The following KCNIP4 variants were observed in gnomAD, a reference collection of about 807,000 sequenced individuals.
KCNIP4 encodes the protein potassium voltage-gated channel interacting protein 4, also known as Kv channel-interacting protein 4.
A neutral mutation model predicts 34.0 loss-of-function variants in KCNIP4; 12 were observed. That is an observed-to-expected ratio of 0.35 (90% confidence interval 0.23 to 0.57). KCNIP4 has a LOEUF of 0.57. KCNIP4 is among the 20% of genes least tolerant of loss of function. The pLI is 0.83. For synonymous variants in KCNIP4, 124 were observed against 102.2 expected (o/e 1.21, Z -1.29); for missense variants, 238 against 311.7 (o/e 0.76, Z 1.78).
intron 1 of KCNIP4, among the ~76,000 whole-genome samples, chr4:21,372,699 C>T (rs1384419590): frequency 6.8e-6 from 1 of 146,552 alleles, no homozygotes; most frequent in Non-Finnish European, 1.5e-5. Flanking sequence ...TGAAAGGTAT[C>T]TAGCAAATTC....
intron 1 of KCNIP4, among the ~76,000 whole-genome samples, chr4:21,785,610 T>TAAATTAAATAAATAAATA (rs1719854035): frequency 6.8e-6 from 1 of 147,570 alleles, no homozygotes; most frequent in African/African-American, 2.6e-5. Context: ...AATAAATAAA[T>TAAATTAAATAAATAAATA]AAATAAAATA....
At chr4:20,961,534 GT>G (rs1195135339) in intron 1 of KCNIP4, among the ~76,000 whole-genome samples, 1 of 151,922 alleles carries the variant, frequency 6.6e-6, no homozygotes, top group African/African-American at 2.4e-5. Context: ...CATACACAGA[GT>G]TTTAAAAAAA....
At chr4:21,604,970 T>C (rs189597684) in intron 1 of KCNIP4, among the ~76,000 whole-genome samples, 6 of 152,334 alleles carry the variant, frequency 3.9e-5, no homozygotes, top group African/African-American at 1.4e-4. Context: ...ACAGTTAGTC[T>C]AGTGAAAGTG....
At chr4:20,822,152 T>C (rs1368016098) in intron 3 of KCNIP4, among the ~76,000 whole-genome samples, 1 of 152,104 alleles carries the variant, frequency 6.6e-6, no homozygotes, top group Non-Finnish European at 1.5e-5. Flanking sequence ...GAGAAAATAT[T>C]TGGAAACTAT....
intron 1 of KCNIP4, among the ~76,000 whole-genome samples, chr4:20,924,519 T>A (rs1729712946): frequency 6.6e-6 from 1 of 152,234 alleles, no homozygotes; most frequent in African/African-American, 2.4e-5. Flanking sequence ...CTTTTCTTTC[T>A]TTTTAACCTA....
intron 1 of KCNIP4, among the ~76,000 whole-genome samples, chr4:21,283,140 A>G (rs1049431496): frequency 1.3e-5 from 2 of 152,214 alleles, no homozygotes; most frequent in African/African-American, 4.8e-5. Context: ...AGGAAAATCT[A>G]TAAAGACGGA....
intron 5 of KCNIP4, among the ~76,000 whole-genome samples, chr4:20,743,697 G>T (rs201862811): frequency 6.6e-6 from 1 of 152,012 alleles, no homozygotes; most frequent in Non-Finnish European, 1.5e-5. Context: ...TACCATTCAG[G>T]ACATAGGCAT....
At chr4:20,981,008 C>A (rs978258892) in intron 1 of KCNIP4, among the ~76,000 whole-genome samples, 8 of 152,002 alleles carry the variant, frequency 5.3e-5, no homozygotes, top group African/African-American at 1.9e-4. Flanking sequence ...TTTCTCAAAC[C>A]TTTACTTGAC....
chr4:21,639,554 G>A (rs891721304), intron 1 of KCNIP4, among the ~76,000 whole-genome samples: 1 of 127,964 alleles, frequency 7.8e-6, no homozygotes, highest in African/African-American at 2.8e-5. Flanking sequence ...AATGATGAAA[G>A]GTCAATCTGA....
chr4:21,577,935 A>G (rs1275963898), intron 1 of KCNIP4, among the ~76,000 whole-genome samples: 1 of 152,162 alleles, frequency 6.6e-6, no homozygotes, highest in Non-Finnish European at 1.5e-5. Context: ...ATTCTTACAT[A>G]TATTCTGGAG....
At chr4:20,946,586 C>T (rs866568075) in intron 1 of KCNIP4, among the ~76,000 whole-genome samples, 35 of 152,232 alleles carry the variant, frequency 2.3e-4, no homozygotes, top group Middle Eastern at 3.4e-3. Flanking sequence ...AATCTCAGCA[C>T]GCAGCACAGG....
intron 1 of KCNIP4, among the ~76,000 whole-genome samples, chr4:21,226,608 G>A (rs1359510805): frequency 6.7e-6 from 1 of 150,246 alleles, no homozygotes; most frequent in African/African-American, 2.4e-5. Context: ...ACAATGAAAT[G>A]CTATAATATC....
chr4:21,682,105 T>G (rs1002032838), intron 1 of KCNIP4, among the ~76,000 whole-genome samples: 1 of 152,112 alleles, frequency 6.6e-6, no homozygotes, highest in African/African-American at 2.4e-5. Flanking sequence ...TTAGCCAGGC[T>G]GGTCTCGAAC....
chr4:21,754,933 G>A (rs1221694311), intron 1 of KCNIP4, among the ~76,000 whole-genome samples: 1 of 152,072 alleles, frequency 6.6e-6, no homozygotes, highest in Non-Finnish European at 1.5e-5. Context: ...GATCACCTGA[G>A]GTCAGGAGTT....
chr4:21,299,960 T>C (rs561830877), intron 1 of KCNIP4, among the ~76,000 whole-genome samples: 3 of 152,274 alleles, frequency 2.0e-5, no homozygotes, highest in Non-Finnish European at 4.4e-5. Context: ...GACAGCCTAG[T>C]CCTTACCCTA....
In KCNIP4 at chr4:21,187,530, GC is replaced by G. The variant is rs1755323915; in HGVS notation, c.62-304822del. Among the ~76,000 whole-genome samples the G allele has an allele frequency of 2.0e-5, 3 of 152,114 alleles. No homozygotes were observed. The South Asian group carries it at 6.2e-4, about 31-fold the overall frequency. On this transcript the variant is annotated intron_variant, in intron 1 of 8. Transcript: ENST00000382152. ...TTGTTTATTTTAAGTATGCATACTTGCCCTCTGCTAGGAACAGAGGGAAATG... is the reference window on the plus strand; with the variant it reads ...TTGTTTATTTTAAGTATGCATACTTGCCTCTGCTAGGAACAGAGGGAAATG...
chr4:21,716,437 A>T (rs1433964074), intron 1 of KCNIP4, among the ~76,000 whole-genome samples: 1 of 151,788 alleles, frequency 6.6e-6, no homozygotes, highest in African/African-American at 2.4e-5. Context: ...AGGGTTTCGC[A>T]GTGTTGGCCA....
At chr4:21,944,833 T>C (rs921371566) in intron 1 of KCNIP4, among the ~76,000 whole-genome samples, 2 of 139,176 alleles carry the variant, frequency 1.4e-5, no homozygotes, top group African/African-American at 2.9e-5. Flanking sequence ...TCAGGACCTT[T>C]AACCAAATGA....
intron 1 of KCNIP4, among the ~76,000 whole-genome samples, chr4:20,884,278 A>G (rs924189755): frequency 1.3e-5 from 2 of 152,162 alleles, no homozygotes; most frequent in Non-Finnish European, 2.9e-5. Flanking sequence ...TTACATAGGT[A>G]TACATGTGCC....
Sources: allele counts gnomAD v4.1 joint callset (sites outside exome capture counted in the v4.1 genomes callset), GRCh38; gene constraint gnomAD v4.1.1; transcripts MANE v1.5; gene names NCBI Gene and HGNC (gene_info 2026-07-23, HGNC 2026-07-21).